The following IKZF2 variants were observed in gnomAD, a reference collection of about 807,000 sequenced individuals.
IKZF2 encodes IKAROS family zinc finger 2.
IKZF2 carries 15 observed loss-of-function variants against 49.2 expected under a neutral mutation model. The observed-to-expected ratio is 0.30, with a 90% confidence interval of 0.20 to 0.47. The LOEUF (loss-of-function observed/expected upper bound fraction) is 0.47, where lower values mean the gene tolerates loss of function less well. Among genes scored for constraint, IKZF2 ranks in the 20% least tolerant of loss-of-function variants. The pLI is 1.00. For synonymous variants in IKZF2, 227 were observed against 221.4 expected (o/e 1.03, Z -0.23); for missense variants, 567 against 664.6 (o/e 0.85, Z 1.61).
chr2:213,092,782 C>G (rs943989065), intron 4 of IKZF2, among the ~76,000 whole-genome samples: 1 of 152,146 alleles, frequency 6.6e-6, no homozygotes, highest in African/African-American at 2.4e-5. Context: ...GTGGGGTACC[C>G]CTTTCTGTCC....
intron 4 of IKZF2, among the ~76,000 whole-genome samples, chr2:213,130,631 A>C (rs2060444627): frequency 6.6e-6 from 1 of 152,226 alleles, no homozygotes. Context: ...TGATTACCAC[A>C]AACAGTTCTT....
chr2:213,127,483 T>A (rs1441733013), intron 4 of IKZF2, among the ~76,000 whole-genome samples: 1 of 152,180 alleles, frequency 6.6e-6, no homozygotes, highest in Non-Finnish European at 1.5e-5. Context: ...GAAAACCCCA[T>A]TATGTCAGTT....
intron 4 of IKZF2, among the ~76,000 whole-genome samples, chr2:213,063,902 G>A (rs1198029484): frequency 1.3e-5 from 2 of 151,986 alleles, no homozygotes; most frequent in African/African-American, 4.8e-5. Flanking sequence ...ACCAGTTGAA[G>A]AGGATACCAG....
intron 1 of IKZF2, chr2:213,150,558 A>AT (rs970086456): frequency 4.2e-5 from 8 of 192,364 alleles, no homozygotes; most frequent in African/African-American, 1.9e-4. Context: ...CAGGAATGGC[A>AT]CCACGTACTT....
At position 213,006,359 on chromosome 2, in the gene IKZF2, G is replaced by C. The variant is rs138809531; in HGVS notation, c.*1001C>G. 6.6e-6 allele frequency: 1 copy of C among 152,476 alleles called. No individual in the cohort carries two copies. Among genetic ancestry groups the C allele is most frequent in the Middle Eastern group, 3.2e-3 (1 of 316 alleles). The allele number at this position is 152,476 out of a possible 1,614,324, so 9.4% of individuals were successfully genotyped here. On this transcript the variant is annotated 3_prime_UTR_variant, in exon 9 of 9. Transcript: ENST00000434687. The stretch of plus-strand genomic sequence containing the variant: ...TCTAAGTGGGTTTTCTCCCCCTACT[G>C]TTAGCATAATTATATTTTTCTGCTG...
At chr2:213,135,529 TA>T in intron 4 of IKZF2, among the ~76,000 whole-genome samples, 1 of 150,454 alleles carries the variant, frequency 6.6e-6, no homozygotes, top group South Asian at 2.1e-4. Context: ...ACCCTGACTC[TA>T]AAAAAAAATT....
chr2:213,117,243 A>G (rs2059908637), intron 4 of IKZF2, among the ~76,000 whole-genome samples: 2 of 152,148 alleles, frequency 1.3e-5, no homozygotes, highest in African/African-American at 4.8e-5. Flanking sequence ...CTGCCATTCA[A>G]CCCACAGTTA....
chr2:213,084,604 T>C (rs1381407258), intron 4 of IKZF2, among the ~76,000 whole-genome samples: 8 of 3,064 alleles, frequency 2.6e-3, no homozygotes, highest in African/African-American at 0.011. Context: ...AAAAAAGAAA[T>C]TGAAAAAAAA....
intron 6 of IKZF2, among the ~76,000 whole-genome samples, chr2:213,028,359 A>G (rs1404947651): frequency 6.6e-6 from 1 of 152,154 alleles, no homozygotes; most frequent in Non-Finnish European, 1.5e-5. Context: ...TTAGGTCTAC[A>G]TTTCCAAACA....
chr2:213,106,602 T>C (rs73077285), intron 4 of IKZF2, among the ~76,000 whole-genome samples: 1,872 of 144,050 alleles, frequency 0.013, 35 homozygotes, highest in African/African-American at 0.047. Flanking sequence ...ATGGTGCCAC[T>C]GCACTCCAAC....
chr2:213,099,199 TC>T (rs1706354457), intron 4 of IKZF2, among the ~76,000 whole-genome samples: 1 of 152,038 alleles, frequency 6.6e-6, no homozygotes, highest in Non-Finnish European at 1.5e-5. Context: ...AAAGTCAGCC[TC>T]CTCCCCCCAT....
chr2:213,047,175 T>C (rs1002238658), intron 6 of IKZF2, among the ~76,000 whole-genome samples: 3 of 152,156 alleles, frequency 2.0e-5, no homozygotes, highest in Non-Finnish European at 2.9e-5. Context: ...GCCTTACCAA[T>C]TACCCTTGTA....
Position 213,013,865 on chromosome 2 carries a change from T to C in IKZF2, c.782A>G (p.Glu261Gly). 1.2e-6 allele frequency: 2 copies of C among 1,612,180 alleles called. No individual in the cohort carries two copies. The highest frequency in any genetic ancestry group is 1.7e-6 in the Non-Finnish European group (2 of 1,178,576). ...GAGCTTCTCTATGACAGCAGGTCTCTCAAAAGGCACCAGAGAAATATTGTT... is the reference window on the plus strand; with the variant it reads ...GAGCTTCTCTATGACAGCAGGTCTCCCAAAAGGCACCAGAGAAATATTGTT... ...MDNNISLVPF[E>G]RPAVIEKLTG... The change falls in exon 8 of 9, where the codon GAG (glutamate) becomes GGG (glycine). Residue 261 changes from glutamate (E) to glycine (G), a missense_variant. By Grantham distance (98) the Glu-to-Gly change is moderately conservative. Around this residue, in one of 5 missense-constraint regions of IKZF2, gnomAD observed 310 missense variants for 326.9 expected, o/e 0.95. Coordinates refer to ENST00000434687, the MANE Select transcript of IKZF2 (RefSeq NM_001387220.1).
intron 4 of IKZF2, among the ~76,000 whole-genome samples, chr2:213,074,921 A>T (rs190269520): frequency 1.9e-4 from 29 of 152,308 alleles, no homozygotes; most frequent in Non-Finnish European, 2.9e-5. Context: ...ACAGACAAGC[A>T]TGGATCCTGA....
At chr2:213,100,910 T>C (rs1706580894) in intron 4 of IKZF2, among the ~76,000 whole-genome samples, 1 of 152,052 alleles carries the variant, frequency 6.6e-6, no homozygotes, top group South Asian at 2.1e-4. Flanking sequence ...GTATTTGCTT[T>C]TCTAGTGCTT....
rs895550396 is a variant in IKZF2 at position 213,001,487 on chromosome 2, A to G, written c.*5873T>C. ...TGAAGTAATGTTTTAGGTACCCAAT[A>G]TTTGAAAGTGAAAGTAACATGAGGG... is the stretch of plus-strand genomic sequence containing the variant. On this transcript the variant is annotated 3_prime_UTR_variant, in exon 9 of 9. Transcript: ENST00000434687. 1 of 151,662 alleles carries G rather than the reference A, an allele frequency of 6.6e-6. No individual in the cohort carries two copies. Among genetic ancestry groups the G allele is most frequent in the African/African-American group, 2.4e-5 (1 of 41,406 alleles). 9.4% of individuals were successfully genotyped at this position (151,662 alleles called of 1,614,324 possible).
At chr2:213,119,153 G>C (rs963704305) in intron 4 of IKZF2, among the ~76,000 whole-genome samples, 1 of 152,180 alleles carries the variant, frequency 6.6e-6, no homozygotes, top group Admixed American at 6.5e-5. Flanking sequence ...AGGCAGGACT[G>C]AGCAGGACAG....
intron 4 of IKZF2, among the ~76,000 whole-genome samples, chr2:213,126,727 A>G (rs1311955717): frequency 6.6e-6 from 1 of 152,210 alleles, no homozygotes; most frequent in African/African-American, 2.4e-5. Context: ...AAGAAATTTG[A>G]TTGAAGAAAA....
At chr2:213,098,081 C>T (rs1199697626) in intron 4 of IKZF2, 1 of 164,332 alleles carries the variant, frequency 6.1e-6, no homozygotes, top group Non-Finnish European at 1.4e-5. Flanking sequence ...TGGCTCTAGA[C>T]CTTCACTGTG....
Sources: gnomAD v4.1 joint callset for allele counts (sites outside exome capture counted in the v4.1 genomes callset) on GRCh38, gnomAD v4.1.1 for gene constraint, gnomAD v4.1.1 regional missense constraint, MANE v1.5 for transcripts, NCBI Gene and HGNC (gene_info 2026-07-23, HGNC 2026-07-21) for gene names.